The following PDGFC variants were observed in gnomAD, a reference collection of about 807,000 sequenced individuals.
The protein encoded by PDGFC is platelet derived growth factor C.
In PDGFC, 12 loss-of-function variants were observed where a neutral mutation model predicts 35.5. The observed-to-expected ratio is 0.34, with a 90% CI of 0.22 to 0.55. The LOEUF is 0.55. Among genes scored for constraint, PDGFC ranks in the 20% least tolerant of loss-of-function variants. The pLI, the probability that PDGFC is intolerant of heterozygous loss-of-function variation, is 0.91. For missense variants in PDGFC, 322 were observed against 412.4 expected, an observed-to-expected ratio of 0.78 and a Z score of 1.90; for synonymous variants, 159 against 148.8, an observed-to-expected ratio of 1.07 and a Z score of -0.50.
chr4:156,851,006 A>G (rs947332379), intron 1 of PDGFC, among the ~76,000 whole-genome samples: 1 of 152,180 alleles, frequency 6.6e-6, no homozygotes, highest in African/African-American at 2.4e-5. Context: ...TGAAATGTCA[A>G]TTAGCATACC....
At chr4:156,784,004 A>T (rs975548959) in intron 3 of PDGFC, among the ~76,000 whole-genome samples, 27 of 152,278 alleles carry the variant, frequency 1.8e-4, no homozygotes, top group African/African-American at 6.5e-4. Flanking sequence ...TACAGGCAAA[A>T]TTGGTAAGAA....
chr4:156,771,338 A>C (rs1406655796), intron 4 of PDGFC, among the ~76,000 whole-genome samples: 1 of 152,172 alleles, frequency 6.6e-6, no homozygotes, highest in East Asian at 1.9e-4. Context: ...TTACAGATCA[A>C]CATGATAATC....
intron 4 of PDGFC, among the ~76,000 whole-genome samples, chr4:156,771,865 G>A (rs1160801708): frequency 6.6e-6 from 1 of 152,132 alleles, no homozygotes; most frequent in African/African-American, 2.4e-5. Flanking sequence ...TATTTTGAGT[G>A]CATTGTAATT....
chr4:156,870,000 CT>C (rs1164365840), intron 1 of PDGFC, among the ~76,000 whole-genome samples: 2 of 151,488 alleles, frequency 1.3e-5, no homozygotes, highest in Non-Finnish European at 3.0e-5. Flanking sequence ...AAAAACCCAG[CT>C]TTTTTTTATG....
At chr4:156,865,051 C>T (rs1004949484) in intron 1 of PDGFC, among the ~76,000 whole-genome samples, 1 of 152,122 alleles carries the variant, frequency 6.6e-6, no homozygotes. Context: ...AAATATTCAC[C>T]AGACCCCAAG....
intron 1 of PDGFC, among the ~76,000 whole-genome samples, chr4:156,880,642 T>A (rs1010461473): frequency 3.3e-4 from 51 of 152,302 alleles, no homozygotes; most frequent in African/African-American, 1.2e-3. Context: ...AGGGTATAGC[T>A]GTCCAGAGAT....
At chr4:156,850,125 A>G (rs1300006429) in intron 2 of PDGFC, 96 bp downstream of exon 2, 4 of 611,020 alleles carry the variant, frequency 6.5e-6, no homozygotes, top group Non-Finnish European at 1.1e-5. Flanking sequence ...AAAATAAAAC[A>G]AAAGATGTCA....
At chr4:156,852,394 T>C (rs1354458860) in intron 1 of PDGFC, among the ~76,000 whole-genome samples, 2 of 152,196 alleles carry the variant, frequency 1.3e-5, no homozygotes, top group Non-Finnish European at 2.9e-5. Flanking sequence ...TCTTCTTTCT[T>C]CCTTTTGTCT....
At chr4:156,768,638 T>G (rs1323173977) in intron 4 of PDGFC, among the ~76,000 whole-genome samples, 2 of 152,040 alleles carry the variant, frequency 1.3e-5, no homozygotes, top group Non-Finnish European at 2.9e-5. Flanking sequence ...TTTCCCATCT[T>G]GGAAATTCAG....
At chr4:156,837,094 T>C (rs1414538834) in intron 2 of PDGFC, among the ~76,000 whole-genome samples, 2 of 152,224 alleles carry the variant, frequency 1.3e-5, no homozygotes, top group Non-Finnish European at 2.9e-5. Context: ...GAATATGATA[T>C]TAATATTTCA....
At chr4:156,954,326 T>C (rs1311259994) in intron 1 of PDGFC, among the ~76,000 whole-genome samples, 1 of 151,996 alleles carries the variant, frequency 6.6e-6, no homozygotes, top group Non-Finnish European at 1.5e-5. Flanking sequence ...AACTATATTC[T>C]TTGAGTGACT....
chr4:156,780,128 T>TC (rs1553964347), intron 3 of PDGFC, among the ~76,000 whole-genome samples: 2 of 150,698 alleles, frequency 1.3e-5, no homozygotes, highest in East Asian at 3.9e-4. Flanking sequence ...TTTTTTTTTT[T>TC]ACTAAAATTT....
At chr4:156,791,849 C>A (rs1731307331) in intron 3 of PDGFC, among the ~76,000 whole-genome samples, 1 of 152,148 alleles carries the variant, frequency 6.6e-6, no homozygotes, top group Non-Finnish European at 1.5e-5. Flanking sequence ...AACATGTCTT[C>A]ACTGAGTAAT....
At chr4:156,843,113 G>A (rs1729244249) in intron 2 of PDGFC, among the ~76,000 whole-genome samples, 1 of 152,090 alleles carries the variant, frequency 6.6e-6, no homozygotes, top group African/African-American at 2.4e-5. Context: ...TAACCCCTAA[G>A]GTGATGGTAT....
chr4:156,795,354 A>AT lies in PDGFC; in HGVS notation c.495+15482dup, dbSNP rs1431736830. ...AATCATGGAGGATTTCTGAGCTTAG[A>AT]TTGCATTAAAAGGTATCTTTAAGTT... On this transcript the variant is annotated intron_variant, in intron 3 of 5. Transcript: ENST00000502773. Among the ~76,000 whole-genome samples the AT allele has an allele frequency of 2.6e-5, 4 of 152,318 alleles. No homozygotes were observed. In the East Asian group the frequency reaches 5.8e-4, roughly 22 times the overall value.
At chr4:156,840,944 T>A (rs1405255957) in intron 2 of PDGFC, among the ~76,000 whole-genome samples, 6 of 152,138 alleles carry the variant, frequency 3.9e-5, no homozygotes, top group Non-Finnish European at 7.4e-5. Flanking sequence ...GTGTATTTAA[T>A]CAATGCCTGT....
Position 156,793,534 on chromosome 4 carries a change from C to CATATATATATAT in PDGFC, c.495+17291_495+17302dup, listed in dbSNP as rs66571528. On this transcript the variant is annotated intron_variant, in intron 3 of 5. Transcript: ENST00000502773. ...TTTTATAATACATATGAATTATGTG[C>CATATATATATAT]ATATATATATATATATATATATATA... 1.7e-4 allele frequency among the ~76,000 whole-genome samples: 22 copies of CATATATATATAT among 130,616 alleles called. No homozygotes were observed. In the South Asian group the frequency reaches 2.6e-3, roughly 15 times the overall value. The allele number at this position is 130,616 out of a possible 152,430, so 85.7% of individuals were successfully genotyped here. A position where few individuals can be genotyped will look rare whatever the true frequency, so the allele number is the denominator to read the frequency against.
intron 5 of PDGFC, among the ~76,000 whole-genome samples, chr4:156,764,338 T>C (rs1158956983): frequency 6.6e-6 from 1 of 152,172 alleles, no homozygotes; most frequent in Non-Finnish European, 1.5e-5. Context: ...TTTTGAATGC[T>C]TACTGGGTGC....
chr4:156,902,184 C>T (rs773097096), intron 1 of PDGFC, among the ~76,000 whole-genome samples: 6 of 152,146 alleles, frequency 3.9e-5, no homozygotes, highest in South Asian at 4.1e-4. Context: ...TATTTTTAAC[C>T]GCTGTCTTCT....
Sources: gnomAD v4.1 joint callset for allele counts (sites outside exome capture counted in the v4.1 genomes callset) on GRCh38, gnomAD v4.1.1 for gene constraint, MANE v1.5 for transcripts, NCBI Gene and HGNC (gene_info 2026-07-23, HGNC 2026-07-21) for gene names.